CFAP95: variants seen among roughly 807,000 people sequenced by gnomAD.
CFAP95 encodes the protein cilia and flagella associated protein 95.
the CFAP95 span, among the ~76,000 whole-genome samples, chr9:69,899,801 C>A: frequency 3.3e-5 from 5 of 152,330 alleles, no homozygotes; most frequent in South Asian, 1.0e-3. Flanking sequence ...CTGCAATTAG[C>A]TTTCCCAGCA....
the CFAP95 span, chr9:69,820,902 G>T: frequency 6.2e-7 from 1 of 1,614,108 alleles, no homozygotes; most frequent in African/African-American, 1.3e-5. Flanking sequence ...GACAGATCCT[G>T]CCAGGACTGG....
chr9:69,886,693 C>T, the CFAP95 span: 1 of 603,550 alleles, frequency 1.7e-6, no homozygotes, highest in South Asian at 2.2e-5. Context: ...TATACAGAGG[C>T]TGGGACAGTT....
At chr9:69,863,807 GC>G in the CFAP95 span, among the ~76,000 whole-genome samples, 1 of 152,060 alleles carries the variant, frequency 6.6e-6, no homozygotes. Context: ...TTTCTCAGAA[GC>G]CCTCATTTAA....
the CFAP95 span, among the ~76,000 whole-genome samples, chr9:69,865,828 C>T: frequency 1.3e-5 from 2 of 152,084 alleles, no homozygotes; most frequent in Admixed American, 1.3e-4. Flanking sequence ...TAAAAGCAAA[C>T]ATCATGTAAG....
chr9:69,835,298 A>C, the CFAP95 span, among the ~76,000 whole-genome samples: 1 of 152,224 alleles, frequency 6.6e-6, no homozygotes, highest in Non-Finnish European at 1.5e-5. Context: ...CTGCAAAGAA[A>C]AGTGTGTCTC....
chr9:69,886,962 G>A, the CFAP95 span: 34 of 1,247,572 alleles, frequency 2.7e-5, no homozygotes, highest in South Asian at 3.7e-4. Flanking sequence ...ACCTAGTATA[G>A]TCAAACTTGG....
the CFAP95 span, among the ~76,000 whole-genome samples, chr9:69,860,009 C>A: frequency 6.6e-6 from 1 of 152,148 alleles, no homozygotes; most frequent in Non-Finnish European, 1.5e-5. Flanking sequence ...CTGGAAGTTG[C>A]TCTGGGTGAG....
chr9:69,880,907 T>C, the CFAP95 span, among the ~76,000 whole-genome samples: 1 of 152,224 alleles, frequency 6.6e-6, no homozygotes, highest in Non-Finnish European at 1.5e-5. Context: ...TCTCTAATGA[T>C]CAATGATGTT....
chr9:69,899,278 G>T, the CFAP95 span, among the ~76,000 whole-genome samples: 1 of 152,216 alleles, frequency 6.6e-6, no homozygotes, highest in Non-Finnish European at 1.5e-5. Flanking sequence ...GTTGAAGAGA[G>T]ATTTACCTAT....
At chr9:69,843,340 A>G in the CFAP95 span, among the ~76,000 whole-genome samples, 22 of 152,076 alleles carry the variant, frequency 1.4e-4, no homozygotes, top group African/African-American at 4.8e-4. Context: ...TTAGCATCCT[A>G]TATTTCACTC....
At chr9:69,898,366 C>T in the CFAP95 span, among the ~76,000 whole-genome samples, 1 of 152,194 alleles carries the variant, frequency 6.6e-6, no homozygotes, top group Non-Finnish European at 1.5e-5. Context: ...ATCCCTGCAC[C>T]TCTCATTTTA....
chr9:69,873,524 C>T, the CFAP95 span, among the ~76,000 whole-genome samples: 1 of 152,122 alleles, frequency 6.6e-6, no homozygotes, highest in African/African-American at 2.4e-5. Flanking sequence ...ACAATGCACC[C>T]CGTCACCTCA....
At chr9:69,880,906 A>T in the CFAP95 span, among the ~76,000 whole-genome samples, 2 of 152,210 alleles carry the variant, frequency 1.3e-5, no homozygotes, top group African/African-American at 2.4e-5. Flanking sequence ...TTCTCTAATG[A>T]TCAATGATGT....
chr9:69,857,979 T>C, the CFAP95 span: 6 of 1,613,250 alleles, frequency 3.7e-6, no homozygotes, highest in Non-Finnish European at 4.2e-6. Flanking sequence ...GAGCAAAATG[T>C]TAGTAGTCCC....
chr9:69,868,282 T>C, the CFAP95 span, among the ~76,000 whole-genome samples: 1 of 151,534 alleles, frequency 6.6e-6, no homozygotes, highest in Non-Finnish European at 1.5e-5. Context: ...ATGATTTTTT[T>C]GGACAGACAT....
chr9:69,885,924 A>G, the CFAP95 span, among the ~76,000 whole-genome samples: 5 of 152,198 alleles, frequency 3.3e-5, no homozygotes, highest in African/African-American at 1.2e-4. Flanking sequence ...CCTTATTCAT[A>G]GTTTTGTTTT....
chr9:69,881,410 T>A, the CFAP95 span, among the ~76,000 whole-genome samples: 2 of 152,214 alleles, frequency 1.3e-5, no homozygotes, highest in Non-Finnish European at 2.9e-5. Flanking sequence ...GCACCGTTTG[T>A]TGAAGAGACT....
the CFAP95 span, among the ~76,000 whole-genome samples, chr9:69,824,679 G>A: frequency 6.6e-6 from 1 of 151,818 alleles, no homozygotes; most frequent in Admixed American, 6.6e-5. Context: ...GCATTAGAAA[G>A]CTTCATTCAG....
the CFAP95 span, among the ~76,000 whole-genome samples, chr9:69,862,522 G>C: frequency 6.6e-6 from 1 of 152,112 alleles, no homozygotes; most frequent in Non-Finnish European, 1.5e-5. Context: ...ATAATATTTT[G>C]CTTCTTGCCA....
Sources: gnomAD v4.1 joint callset for allele counts (sites outside exome capture counted in the v4.1 genomes callset) on GRCh38, gnomAD v4.1.1 for gene constraint, MANE v1.5 for transcripts, NCBI Gene and HGNC (gene_info 2026-07-23, HGNC 2026-07-21) for gene names.